The following MYO5B variants were observed in gnomAD, a reference collection of about 807,000 sequenced individuals.
MYO5B encodes unconventional myosin-Vb.
MYO5B carries 143 observed loss-of-function variants against 229.3 expected under a neutral mutation model. The ratio of observed to expected loss-of-function variants is 0.62; its 90% CI spans 0.54 to 0.72. MYO5B has a LOEUF of 0.72. Ranked by LOEUF, MYO5B falls within the 30% of genes least tolerant of loss-of-function variation. The pLI is 0.00. For missense variants in MYO5B, 2,321 were observed against 2,331.0 expected (o/e 1.00, Z 0.09); for synonymous variants, 918 against 885.2 (o/e 1.04, Z -0.66).
intron 22 of MYO5B, among the ~76,000 whole-genome samples, chr18:49,889,115 C>G (rs992740193): frequency 1.3e-5 from 2 of 152,234 alleles, no homozygotes; most frequent in African/African-American, 4.8e-5. Context: ...CCCTCAGTCA[C>G]AACTAAGGGC....
chr18:50,056,753 G>GC (rs2030560416), intron 1 of MYO5B, among the ~76,000 whole-genome samples: 1 of 143,208 alleles, frequency 7.0e-6, no homozygotes. Context: ...GTAATCAGAG[G>GC]CTTTTTTTTT....
chr18:50,020,404 C>T (rs947634106), intron 4 of MYO5B, among the ~76,000 whole-genome samples: 1 of 152,216 alleles, frequency 6.6e-6, no homozygotes, highest in Non-Finnish European at 1.5e-5. Context: ...TTCCTCCTCC[C>T]CTTAAGATGG....
intron 4 of MYO5B, among the ~76,000 whole-genome samples, chr18:50,010,301 T>C (rs1304535431): frequency 6.6e-6 from 1 of 152,208 alleles, no homozygotes; most frequent in Non-Finnish European, 1.5e-5. Context: ...AATCTGTCCC[T>C]TCCTCTTGCT....
At position 50,195,015 on chromosome 18, in the gene MYO5B, A is replaced by G; in HGVS notation, c.-222T>C. The stretch of plus-strand genomic sequence containing the variant: ...CGCGGCGGCGCAGCTACGGCCGGAC[A>G]GGAGTTGCGAGCGCCGGGGGAGGAG... On this transcript the variant is annotated 5_prime_UTR_variant, in exon 1 of 40. Coordinates refer to ENST00000285039, the MANE Select transcript of MYO5B (RefSeq NM_001080467.3). 2.0e-6 allele frequency: 1 copy of G among 489,958 alleles called. No homozygotes were observed. 30.4% of individuals were successfully genotyped at this position (489,958 alleles called of 1,614,324 possible). A position where few individuals can be genotyped will look rare whatever the true frequency, so the allele number is the denominator to read the frequency against.
intron 1 of MYO5B, among the ~76,000 whole-genome samples, chr18:50,142,039 C>T (rs1277459718): frequency 6.6e-6 from 1 of 152,210 alleles, no homozygotes; most frequent in Non-Finnish European, 1.5e-5. Flanking sequence ...TCTGATTCAA[C>T]CAAGTAATTC....
intron 4 of MYO5B, among the ~76,000 whole-genome samples, chr18:50,015,252 T>C (rs977847531): frequency 6.6e-6 from 1 of 152,206 alleles, no homozygotes; most frequent in Admixed American, 6.5e-5. Context: ...TGAACCCCTC[T>C]GACCTAGTGA....
At chr18:50,035,932 A>G (rs148012415) in intron 4 of MYO5B, among the ~76,000 whole-genome samples, 1 of 152,200 alleles carries the variant, frequency 6.6e-6, no homozygotes, top group Non-Finnish European at 1.5e-5. Flanking sequence ...CCCATAAAAC[A>G]GTCTTCCCTC....
At chr18:49,966,490 T>C (rs1213782395) in intron 10 of MYO5B, among the ~76,000 whole-genome samples, 1 of 152,124 alleles carries the variant, frequency 6.6e-6, no homozygotes, top group Non-Finnish European at 1.5e-5. Flanking sequence ...CCTTACTGCC[T>C]TCCCCGATCC....
In MYO5B at chr18:49,980,489, A is replaced by G; in HGVS notation, c.1011T>C (p.Ser337=). ...KIIASILHLG[S]VAIQAERDGD... Reference sequence around the variant, plus strand: ...CATCACGCTCAGCCTGAATCGCCACACTTCCAAGGTGCAAGATAGAAGCAA... The same window carrying G: ...CATCACGCTCAGCCTGAATCGCCACGCTTCCAAGGTGCAAGATAGAAGCAA... The change falls in exon 9 of 40, where the codon AGT becomes AGC. Residue 337 remains serine, a synonymous_variant. Coordinates refer to ENST00000285039, the MANE Select transcript of MYO5B (RefSeq NM_001080467.3). 1 of 1,614,070 alleles carries G rather than the reference A, an allele frequency of 6.2e-7. No individual in the cohort carries two copies. Among genetic ancestry groups the G allele is most frequent in the South Asian group, 1.1e-5 (1 of 91,080 alleles).
intron 16 of MYO5B, among the ~76,000 whole-genome samples, chr18:49,932,999 T>G (rs1439956418): frequency 6.6e-6 from 1 of 152,184 alleles, no homozygotes; most frequent in African/African-American, 2.4e-5. Flanking sequence ...GAAACTGAAG[T>G]TCATGCTTTC....
intron 2 of MYO5B, among the ~76,000 whole-genome samples, chr18:50,045,163 G>A (rs978054377): frequency 6.6e-6 from 1 of 152,128 alleles, no homozygotes; most frequent in African/African-American, 2.4e-5. Flanking sequence ...TTATAGGAGT[G>A]ACATGTACCC....
intron 1 of MYO5B, among the ~76,000 whole-genome samples, chr18:50,141,490 T>C (rs891976938): frequency 2.0e-5 from 3 of 152,224 alleles, no homozygotes; most frequent in African/African-American, 7.2e-5. Context: ...TGTTTTCTCC[T>C]ACCCTACCAC....
At chr18:49,889,192 C>G (rs977159426) in intron 22 of MYO5B, among the ~76,000 whole-genome samples, 5 of 152,168 alleles carry the variant, frequency 3.3e-5, no homozygotes, top group African/African-American at 1.2e-4. Context: ...AATACATGAG[C>G]TTGTTTAATC....
intron 17 of MYO5B, among the ~76,000 whole-genome samples, chr18:49,923,556 G>A (rs771027298): frequency 6.6e-6 from 1 of 152,184 alleles, no homozygotes; most frequent in Non-Finnish European, 1.5e-5. Context: ...GACACACACT[G>A]TCACTCTGAT....
At chr18:49,921,394 G>T (rs2025074013) in intron 17 of MYO5B, among the ~76,000 whole-genome samples, 1 of 151,788 alleles carries the variant, frequency 6.6e-6, no homozygotes, top group Admixed American at 6.6e-5. Flanking sequence ...GAGGGAGACA[G>T]ATGACTGCAC....
intron 14 of MYO5B, among the ~76,000 whole-genome samples, chr18:49,938,161 T>C (rs1166871540): frequency 3.3e-5 from 5 of 152,216 alleles, no homozygotes; most frequent in African/African-American, 9.6e-5. Context: ...TTCTACATTA[T>C]TGCATCTTGT....
At chr18:50,116,789 A>G (rs1010701713) in intron 1 of MYO5B, among the ~76,000 whole-genome samples, 3 of 151,696 alleles carry the variant, frequency 2.0e-5, no homozygotes, top group African/African-American at 7.3e-5. Flanking sequence ...GGAGTCTTTA[A>G]CAAACCTTCT....
chr18:49,938,209 T>A (rs1193999558), intron 14 of MYO5B, among the ~76,000 whole-genome samples: 2 of 152,206 alleles, frequency 1.3e-5, no homozygotes, highest in African/African-American at 4.8e-5. Context: ...CTCATCAGAA[T>A]AGGGATAAGC....
intron 30 of MYO5B, among the ~76,000 whole-genome samples, chr18:49,855,676 T>C (rs2024253930): frequency 6.6e-6 from 1 of 152,254 alleles, no homozygotes; most frequent in South Asian, 2.1e-4. Flanking sequence ...AGGAAGGTCC[T>C]ATTCCATTCA....
Sources: allele counts gnomAD v4.1 joint callset (sites outside exome capture counted in the v4.1 genomes callset), GRCh38; gene constraint gnomAD v4.1.1; transcripts MANE v1.5; gene names NCBI Gene and HGNC (gene_info 2026-07-23, HGNC 2026-07-21).